METAP2: variants seen among roughly 807,000 people sequenced by gnomAD.
METAP2 encodes the protein methionine aminopeptidase 2.
In METAP2, 25 loss-of-function variants were observed where a neutral mutation model predicts 59.4. The observed-to-expected ratio is 0.42, with a 90% CI of 0.31 to 0.59. METAP2 has a LOEUF of 0.59. Among genes scored for constraint, METAP2 ranks in the 20% least tolerant of loss-of-function variants. The probability of loss-of-function intolerance (pLI) is 0.16; values close to 1 mark genes in which losing one functional copy is unlikely to be tolerated. For synonymous variants in METAP2, 214 were observed against 194.1 expected, an observed-to-expected ratio of 1.10 and a Z score of -0.85; for missense variants, 366 against 581.2, an observed-to-expected ratio of 0.63 and a Z score of 3.81.
chr12:95,512,586 C>T lies in METAP2; in HGVS notation c.1069-215C>T, dbSNP rs141510854. 9.5e-4 allele frequency among the ~76,000 whole-genome samples: 145 copies of T among 152,214 alleles called. 1 individual carries two copies. The highest frequency in any genetic ancestry group is 2.8e-3 in the African/African-American group (116 of 41,524). ...AATTAGCCAGGCATGGTGGCACGTGCCTGTAGTCCCACCTACTCGGGAGGC... is the reference window on the plus strand; with the variant it reads ...AATTAGCCAGGCATGGTGGCACGTGTCTGTAGTCCCACCTACTCGGGAGGC... On this transcript the variant is annotated intron_variant, in intron 9 of 10. Transcript: ENST00000323666.
chr12:95,506,543 C>T (rs1042823630), intron 8 of METAP2, among the ~76,000 whole-genome samples: 4 of 151,886 alleles, frequency 2.6e-5, no homozygotes, highest in African/African-American at 9.7e-5. Flanking sequence ...TCATGATCCG[C>T]CCGCCTCGGC....
intron 7 of METAP2, among the ~76,000 whole-genome samples, chr12:95,498,848 T>C (rs1373404072): frequency 2.0e-5 from 3 of 151,928 alleles, no homozygotes; most frequent in Admixed American, 2.0e-4. Flanking sequence ...ACCCCAACTC[T>C]ACCAAAAATT....
At chr12:95,502,772 TTGG>T (rs1464654945) in intron 7 of METAP2, among the ~76,000 whole-genome samples, 2 of 152,088 alleles carry the variant, frequency 1.3e-5, no homozygotes, top group African/African-American at 4.8e-5. Flanking sequence ...ATTCTTAGAC[TTGG>T]TGATTTCCCT....
At chr12:95,507,091 C>G (rs1405349843) in intron 8 of METAP2, among the ~76,000 whole-genome samples, 2 of 152,102 alleles carry the variant, frequency 1.3e-5, no homozygotes, top group South Asian at 2.1e-4. Context: ...ATGTTACTCA[C>G]ACTTAGGTAG....
chr12:95,509,570 A>G (rs770873944), intron 8 of METAP2, among the ~76,000 whole-genome samples: 4 of 152,164 alleles, frequency 2.6e-5, no homozygotes, highest in Non-Finnish European at 5.9e-5. Context: ...GTGCAAGGTT[A>G]TGGTTTTCAT....
In METAP2 at chr12:95,514,952, A is replaced by T. The variant is rs2140171609; in HGVS notation, c.*1048A>T. The T allele has an allele frequency of 6.5e-6, 1 of 152,708 alleles. No homozygotes were observed. The highest frequency in any genetic ancestry group is 2.1e-4 in the South Asian group (1 of 4,828). The allele number at this position is 152,708 out of a possible 1,614,324, so 9.5% of individuals were successfully genotyped here. On this transcript the variant is annotated 3_prime_UTR_variant, in exon 11 of 11. Transcript: ENST00000323666. Reference sequence around the variant, plus strand: ...ACAGTTACTTTCCTTATAGCGGCTAAGTGTATTAAGTTGAATGTAACGATG... The same window carrying T: ...ACAGTTACTTTCCTTATAGCGGCTATGTGTATTAAGTTGAATGTAACGATG...
chr12:95,484,492 TA>T (rs543386243), intron 3 of METAP2, among the ~76,000 whole-genome samples: 2,239 of 141,826 alleles, frequency 0.016, 11 homozygotes, highest in Non-Finnish European at 0.023. Flanking sequence ...TTTCTTAAAT[TA>T]AAAAAAAAAA....
At chr12:95,501,784 C>CT (rs1431564766) in intron 7 of METAP2, among the ~76,000 whole-genome samples, 1 of 149,132 alleles carries the variant, frequency 6.7e-6, no homozygotes, top group African/African-American at 2.5e-5. Flanking sequence ...TGTTTGCAGA[C>CT]TATTGTTAGA....
intron 3 of METAP2, among the ~76,000 whole-genome samples, chr12:95,485,303 T>C (rs576108982): frequency 2.6e-5 from 4 of 152,288 alleles, no homozygotes; most frequent in South Asian, 2.1e-4. Flanking sequence ...AATGATCTTT[T>C]TAAGTCCCTT....
At chr12:95,511,466 A>G (rs1042521586) in intron 8 of METAP2, among the ~76,000 whole-genome samples, 5 of 130,950 alleles carry the variant, frequency 3.8e-5, no homozygotes, top group Non-Finnish European at 7.6e-5. Flanking sequence ...ATCTTGGCTC[A>G]CGGCAACCTC....
In METAP2 at chr12:95,483,281, G is replaced by A. The variant is rs773958564; in HGVS notation, c.325+1G>A. On this transcript the variant is annotated splice_donor_variant, in intron 3 of 10. Transcript: ENST00000323666. LOFTEE classifies it high-confidence loss of function. ...AAAAAGAAGAAGAAGAAGAGAGGAC[G>A]TTAGTGTCTTAAGTTAATGTTAATT... 3.7e-6 allele frequency: 6 copies of A among 1,603,120 alleles called. No homozygotes were observed. Among genetic ancestry groups the A allele is most frequent in the Non-Finnish European group, 5.1e-6 (6 of 1,170,252 alleles).
rs200025042 is a variant in METAP2 at position 95,483,287 on chromosome 12, G to A, written c.325+7G>A. The A allele has an allele frequency of 6.6e-5, 105 of 1,599,986 alleles. 1 individual carries two copies. In the African/African-American group the frequency reaches 1.1e-3, roughly 17 times the overall value. On this transcript the variant is annotated splice_region_variant and intron_variant, in intron 3 of 10. Transcript: ENST00000323666. ...AAGAAGAAGAAGAGAGGACGTTAGTGTCTTAAGTTAATGTTAATTGATATA... is the reference window on the plus strand; with the variant it reads ...AAGAAGAAGAAGAGAGGACGTTAGTATCTTAAGTTAATGTTAATTGATATA...
At chr12:95,477,769 C>T (rs2076131084) in intron 2 of METAP2, among the ~76,000 whole-genome samples, 1 of 152,014 alleles carries the variant, frequency 6.6e-6, no homozygotes, top group Admixed American at 6.6e-5. Context: ...AGTTGTTTTC[C>T]TTTAGAGTGG....
At chr12:95,480,661 A>T (rs2076152094) in intron 2 of METAP2, among the ~76,000 whole-genome samples, 1 of 152,150 alleles carries the variant, frequency 6.6e-6, no homozygotes, top group East Asian at 1.9e-4. Flanking sequence ...TATCTTTGGT[A>T]AAGTGTTTGT....
At chr12:95,479,532 A>C (rs771360433) in intron 2 of METAP2, among the ~76,000 whole-genome samples, 1 of 152,174 alleles carries the variant, frequency 6.6e-6, no homozygotes, top group African/African-American at 2.4e-5. Context: ...GTCATCTGAC[A>C]GTGTGCTGGA....
intron 7 of METAP2, among the ~76,000 whole-genome samples, chr12:95,502,583 T>TTAA (rs1265911524): frequency 6.6e-6 from 1 of 152,120 alleles, no homozygotes; most frequent in Non-Finnish European, 1.5e-5. Flanking sequence ...CATCTTTTTT[T>TTAA]GAGTTCTTTG....
chr12:95,486,268 G>T (rs572377476), intron 4 of METAP2, among the ~76,000 whole-genome samples: 6 of 144,654 alleles, frequency 4.1e-5, no homozygotes, highest in Middle Eastern at 3.5e-3. Flanking sequence ...ATTTGGGTAT[G>T]GTTTAGTACT....
At chr12:95,488,067 A>G (rs530132470) in intron 4 of METAP2, among the ~76,000 whole-genome samples, 4 of 152,194 alleles carry the variant, frequency 2.6e-5, no homozygotes, top group African/African-American at 4.8e-5. Context: ...GAGATTGATT[A>G]ACCAAAGAAT....
chr12:95,514,074 T>A lies in METAP2; in HGVS notation c.*170T>A. 1 of 754,454 alleles carries A rather than the reference T, an allele frequency of 1.3e-6. No homozygotes were observed. The highest frequency in any genetic ancestry group is 1.9e-6 in the Non-Finnish European group (1 of 514,372). The allele number at this position is 754,454 out of a possible 1,614,324, so 46.7% of individuals were successfully genotyped here. ...ACAAAGGCAAACCGTCTAATGTAAT[T>A]AACCAACGAAAAAGCTTTCCGGACT... On this transcript the variant is annotated 3_prime_UTR_variant, in exon 11 of 11. Coordinates refer to ENST00000323666, the MANE Select transcript of METAP2 (RefSeq NM_006838.4).
Sources: gnomAD v4.1 joint callset for allele counts (sites outside exome capture counted in the v4.1 genomes callset) on GRCh38, gnomAD v4.1.1 for gene constraint, MANE v1.5 for transcripts, NCBI Gene and HGNC (gene_info 2026-07-23, HGNC 2026-07-21) for gene names.